Variants in KIAA0319 observed in about 807,000 individuals in gnomAD.
KIAA0319 encodes dyslexia-associated protein KIAA0319.
Under a neutral mutation model 108.4 loss-of-function variants are expected in KIAA0319, and 83 were observed. That is an observed-to-expected ratio of 0.77 (90% CI 0.64 to 0.92). KIAA0319 has a LOEUF of 0.92. KIAA0319 is among the 40% of genes least tolerant of loss of function. KIAA0319 has a pLI of 0.00. For missense variants in KIAA0319, 1,195 were observed against 1,322.4 expected (o/e 0.90, Z 1.49); for synonymous variants, 484 against 510.4 (o/e 0.95, Z 0.70).
At chr6:24,571,028 T>C (rs922113450) in intron 11 of KIAA0319, among the ~76,000 whole-genome samples, 3 of 150,400 alleles carry the variant, frequency 2.0e-5, no homozygotes, top group African/African-American at 7.4e-5. Context: ...TGTGTTTCTA[T>C]TAAAAATCCA....
rs141384291 is a variant in KIAA0319, at chr6:24,594,493, G to A, written c.801+1380C>T. Among the ~76,000 whole-genome samples the A allele has an allele frequency of 2.6e-5, 4 of 151,608 alleles. No homozygotes were observed. The East Asian group carries it at 7.8e-4, about 30-fold the overall frequency. On this transcript the variant is annotated intron_variant, in intron 3 of 20. Coordinates refer to ENST00000378214, the MANE Select transcript of KIAA0319 (RefSeq NM_014809.4). ...AATACAAAAATTAGCCGGGCATGGT[G>A]GTGCACACCTATAGTCCCAGCTACT...
At chr6:24,609,584 A>G (rs1243935729) in intron 1 of KIAA0319, among the ~76,000 whole-genome samples, 1 of 152,158 alleles carries the variant, frequency 6.6e-6, no homozygotes, top group African/African-American at 2.4e-5. Flanking sequence ...CTCAAAACCA[A>G]CAAACAAACA....
chr6:24,599,178 G>T lies in KIAA0319; in HGVS notation c.55+1871C>A. On this transcript the variant is annotated intron_variant, in intron 2 of 20. Coordinates refer to ENST00000378214, the MANE Select transcript of KIAA0319 (RefSeq NM_014809.4). This position sits in a 1 kb window ranked among gnomAD's most constrained non-coding sequence, Gnocchi z 4.1. ...CAAGGAGATCACCAACTGTAGCCAG[G>T]CCGGGGCTGACAGCCTGTACCAGGT... The T allele has an allele frequency of 1.8e-6, 1 of 563,570 alleles. No homozygotes were observed. The highest frequency in any genetic ancestry group is 2.0e-5 in the South Asian group (1 of 49,730). 34.9% of individuals were successfully genotyped at this position (563,570 alleles called of 1,614,324 possible).
chr6:24,642,247 AAAG>A (rs1297482197), intron 1 of KIAA0319, among the ~76,000 whole-genome samples: 5 of 151,712 alleles, frequency 3.3e-5, no homozygotes, highest in Non-Finnish European at 5.9e-5. Flanking sequence ...GAAAAAAAGA[AAAG>A]AAAGAAAGGG....
At position 24,579,412 on chromosome 6, in the gene KIAA0319, G is replaced by GATATATAT. The variant is rs3840133; in HGVS notation, c.1372+438_1372+445dup. ...GGTCACGGGAGCTCCTCTATATAAAGATATATATATATATATATATCTTAT... is the reference window on the plus strand; with the variant it reads ...GGTCACGGGAGCTCCTCTATATAAAGATATATATATATATATATATATATATATCTTAT... On this transcript the variant is annotated intron_variant, in intron 8 of 20. Coordinates refer to ENST00000378214, the MANE Select transcript of KIAA0319 (RefSeq NM_014809.4). 3.1e-3 allele frequency among the ~76,000 whole-genome samples: 394 copies of GATATATAT among 127,224 alleles called. 11 individuals are homozygous for GATATATAT. The highest frequency in any genetic ancestry group is 8.2e-3 in the African/African-American group (258 of 31,438). The allele number at this position is 127,224 out of a possible 152,430, so 83.5% of individuals were successfully genotyped here. A position where few individuals can be genotyped will look rare whatever the true frequency, so the allele number is the denominator to read the frequency against.
At chr6:24,574,773 T>C (rs1036870397) in intron 10 of KIAA0319, among the ~76,000 whole-genome samples, 5 of 152,120 alleles carry the variant, frequency 3.3e-5, no homozygotes, top group African/African-American at 1.2e-4. Context: ...CTTCTGAAAT[T>C]TGAAATGCAC....
rs1763495833 is a variant in KIAA0319 at position 24,564,050 on chromosome 6, C to A, written c.2431+152G>T. On this transcript the variant is annotated intron_variant, in intron 15 of 20. Transcript: ENST00000378214. ...GCTGGATCTATCTGGGGATACACAA[C>A]AAGGTGTAAGAGACATCCTCAAAGT... 3 of 757,778 alleles carry A rather than the reference C, an allele frequency of 4.0e-6. No homozygotes were observed. The Admixed American group carries it at 7.8e-5, about 20-fold the overall frequency. 46.9% of individuals were successfully genotyped at this position (757,778 alleles called of 1,614,324 possible).
intron 4 of KIAA0319, among the ~76,000 whole-genome samples, chr6:24,586,700 G>A (rs951131290): frequency 2.6e-5 from 4 of 151,964 alleles, no homozygotes; most frequent in African/African-American, 4.8e-5. Context: ...CATCTCCCAC[G>A]TATAGGTAAG....
rs1248888327 is a variant in KIAA0319 at position 24,588,583 on chromosome 6, TAA to T, written c.994+8_994+9del. ...GTACATTTCTTGAAATTGTATTTTTTAAAAGTTACCTGTCCTGGGAGCAGTGG... is the reference window on the plus strand; with the variant it reads ...GTACATTTCTTGAAATTGTATTTTTTAAGTTACCTGTCCTGGGAGCAGTGG... On this transcript the variant is annotated splice_region_variant and intron_variant, in intron 4 of 20. Coordinates refer to ENST00000378214, the MANE Select transcript of KIAA0319 (RefSeq NM_014809.4). 8 of 1,605,356 alleles carry T rather than the reference TAA, an allele frequency of 5.0e-6. No individual in the cohort carries two copies. The highest frequency in any genetic ancestry group is 6.0e-6 in the Non-Finnish European group (7 of 1,174,004).
At chr6:24,600,384 A>G (rs1285333607) in intron 2 of KIAA0319, among the ~76,000 whole-genome samples, 1 of 152,140 alleles carries the variant, frequency 6.6e-6, no homozygotes, top group African/African-American at 2.4e-5. Context: ...TGGCCCTCAC[A>G]TCATATAAAA....
At chr6:24,553,410 G>A (rs1465622024) in intron 19 of KIAA0319, among the ~76,000 whole-genome samples, 1 of 149,640 alleles carries the variant, frequency 6.7e-6, no homozygotes, top group Non-Finnish European at 1.5e-5. Flanking sequence ...CACGGCCCTT[G>A]TTATAATGCT....
chr6:24,618,468 G>A (rs574561430), intron 1 of KIAA0319, among the ~76,000 whole-genome samples: 1 of 152,056 alleles, frequency 6.6e-6, no homozygotes, highest in South Asian at 2.1e-4. Context: ...AAAAAAATTA[G>A]CCAGGCATGG....
Position 24,576,594 on chromosome 6 carries a change from A to C in KIAA0319, c.1508T>G (p.Leu503Trp), listed in dbSNP as rs201036276. The C allele has an allele frequency of 3.1e-6, 5 of 1,612,978 alleles. No individual in the cohort carries two copies. The highest frequency in any genetic ancestry group is 2.5e-6 in the Non-Finnish European group (3 of 1,178,980). Residue 503 changes from leucine to tryptophan, a missense_variant and splice_region_variant, in exon 10 of 21, where the codon TTG becomes TGG. Transcript: ENST00000378214. ...NLDPGNYSFRLTVTDSDGATN... is the reference protein window; with the variant it reads ...NLDPGNYSFRWTVTDSDGATN... ...GGCTCCGTCCGAGTCTGTAACAGTC[A>C]ACCTACAAAAAGGAGAAGAAGCCGT...
intron 13 of KIAA0319, among the ~76,000 whole-genome samples, chr6:24,568,011 A>T (rs192542612): frequency 2.0e-5 from 3 of 152,126 alleles, no homozygotes; most frequent in Non-Finnish European, 4.4e-5. Context: ...CCAAATCTAT[A>T]TCACTTTGCT....
intron 1 of KIAA0319, among the ~76,000 whole-genome samples, chr6:24,630,523 A>G (rs1049427136): frequency 2.1e-5 from 3 of 144,608 alleles, no homozygotes; most frequent in African/African-American, 7.8e-5. Flanking sequence ...AAAAAAAAAA[A>G]AAAAAAAAGA....
chr6:24,624,334 C>T (rs1774417822), intron 1 of KIAA0319, among the ~76,000 whole-genome samples: 1 of 151,642 alleles, frequency 6.6e-6, no homozygotes, highest in African/African-American at 2.4e-5. Context: ...GCCGCCATGC[C>T]AGGCCTTGAA....
intron 1 of KIAA0319, among the ~76,000 whole-genome samples, chr6:24,638,211 A>G (rs1322571722): frequency 2.0e-5 from 3 of 152,354 alleles, no homozygotes; most frequent in Admixed American, 2.0e-4. Flanking sequence ...GACAAAAATC[A>G]TAATAAAATA....
In KIAA0319 at chr6:24,608,930, CAAAAAAAAAAA is replaced by C. The variant is rs57120652; in HGVS notation, c.-105-7733_-105-7723del. ...TGGGCGACAGAGGGAGACTCCGTCT[CAAAAAAAAAAA>C]AAAAAAAAAAAAAAAAGGCATGTCA... On this transcript the variant is annotated intron_variant, in intron 1 of 20. Transcript: ENST00000378214. Among the ~76,000 whole-genome samples, 32 of 30,104 alleles carry C rather than the reference CAAAAAAAAAAA, an allele frequency of 1.1e-3. 1 individual carries two copies. The highest frequency in any genetic ancestry group is 5.3e-3 in the African/African-American group (26 of 4,938). The allele number at this position is 30,104 out of a possible 152,430, so 19.7% of individuals were successfully genotyped here. A position where few individuals can be genotyped will look rare whatever the true frequency, so the allele number is the denominator to read the frequency against.
intron 19 of KIAA0319, among the ~76,000 whole-genome samples, chr6:24,551,871 A>G (rs1157944725): frequency 6.6e-6 from 1 of 152,190 alleles, no homozygotes; most frequent in East Asian, 1.9e-4. Flanking sequence ...GGATGAGCAA[A>G]TGTTCCCCTG....
Sources: gnomAD v4.1 joint callset for allele counts (sites outside exome capture counted in the v4.1 genomes callset) on GRCh38, gnomAD v4.1.1 for gene constraint, Gnocchi (gnomAD v3.1) non-coding constraint, MANE v1.5 for transcripts, NCBI Gene and HGNC (gene_info 2026-07-23, HGNC 2026-07-21) for gene names.